Variants in CNOT4 observed in about 807,000 individuals in gnomAD.
The protein encoded by CNOT4 is CCR4-NOT transcription complex subunit 4, also known as CCR4-associated factor 4.
Under a neutral mutation model 73.8 loss-of-function variants are expected in CNOT4, and 8 were observed. The observed-to-expected ratio is 0.11, with a 90% confidence interval of 0.06 to 0.20. The LOEUF (loss-of-function observed/expected upper bound fraction) is 0.20. Among genes scored for constraint, CNOT4 ranks in the 10% least tolerant of loss-of-function variants. The pLI is 1.00. For synonymous variants in CNOT4, 293 were observed against 321.1 expected, an observed-to-expected ratio of 0.91 and a Z score of 0.94; for missense variants, 564 against 883.4, an observed-to-expected ratio of 0.64 and a Z score of 4.58.
At chr7:135,495,730 GAAA>G (rs1803508796) in intron 1 of CNOT4, among the ~76,000 whole-genome samples, 1 of 103,394 alleles carries the variant, frequency 9.7e-6, no homozygotes, top group Non-Finnish European at 2.1e-5. Flanking sequence ...AAGAAAGAAA[GAAA>G]GAAAGAAAGA....
intron 6 of CNOT4, among the ~76,000 whole-genome samples, chr7:135,411,284 T>TA (rs2129484078): frequency 6.6e-6 from 1 of 152,180 alleles, no homozygotes; most frequent in East Asian, 1.9e-4. Context: ...TTTTTATAAA[T>TA]AAAGTTTTAC....
chr7:135,374,526 C>T (rs1795410703), intron 10 of CNOT4, among the ~76,000 whole-genome samples: 1 of 152,104 alleles, frequency 6.6e-6, no homozygotes, highest in Admixed American at 6.6e-5. Flanking sequence ...ATATTTGACT[C>T]CATGCTTTTT....
At chr7:135,376,685 G>C (rs1267213424) in intron 10 of CNOT4, among the ~76,000 whole-genome samples, 1 of 152,072 alleles carries the variant, frequency 6.6e-6, no homozygotes, top group Admixed American at 6.5e-5. Context: ...TACTGCATTT[G>C]ATTACACAGC....
rs1331339190 is a variant in CNOT4 at position 135,393,693 on chromosome 7, C to T, written c.1627+225G>A. On this transcript the variant is annotated intron_variant, in intron 10 of 11. Coordinates refer to ENST00000541284, the MANE Select transcript of CNOT4 (RefSeq NM_001190850.2). ...GGTAATTATCCTATTAAGTAAAATG[C>T]TTCCAAACAATAACTAAGTATAATA... 3.9e-5 allele frequency among the ~76,000 whole-genome samples: 6 copies of T among 152,078 alleles called. No individual in the cohort carries two copies. In the East Asian group the frequency reaches 1.2e-3, roughly 29 times the overall value.
chr7:135,456,278 T>C (rs1357832129), intron 1 of CNOT4, among the ~76,000 whole-genome samples: 1 of 152,172 alleles, frequency 6.6e-6, no homozygotes, highest in Non-Finnish European at 1.5e-5. Flanking sequence ...CATTCTCTCA[T>C]GCCTCACAAA....
chr7:135,427,962 T>G (rs1424886163), intron 2 of CNOT4, among the ~76,000 whole-genome samples: 1 of 152,104 alleles, frequency 6.6e-6, no homozygotes, highest in East Asian at 1.9e-4. Context: ...ATAGGTTCCA[T>G]GATAAGCTGA....
chr7:135,471,399 A>G (rs1013343863), intron 1 of CNOT4, among the ~76,000 whole-genome samples: 24 of 152,200 alleles, frequency 1.6e-4, no homozygotes, highest in Admixed American at 3.9e-4. Flanking sequence ...CCTCAAAAAA[A>G]CCATTAAACT....
intron 1 of CNOT4, among the ~76,000 whole-genome samples, chr7:135,479,773 C>T (rs1802243696): frequency 6.6e-6 from 1 of 151,788 alleles, no homozygotes; most frequent in Non-Finnish European, 1.5e-5. Context: ...ACCTGTGGTC[C>T]CAGCTACTCG....
intron 2 of CNOT4, among the ~76,000 whole-genome samples, chr7:135,429,825 A>G (rs542998835): frequency 5.8e-4 from 88 of 152,324 alleles, no homozygotes; most frequent in Non-Finnish European, 1.1e-3. Flanking sequence ...GATGAATACC[A>G]TAACTACCCC....
chr7:135,413,382 A>G, intron 6 of CNOT4, 106 bp downstream of exon 6: 1 of 1,283,350 alleles, frequency 7.8e-7, no homozygotes, highest in Non-Finnish European at 1.1e-6. Flanking sequence ...AAGTAATATC[A>G]GTTTTTACAA....
At chr7:135,464,331 A>G (rs1585684962) in intron 1 of CNOT4, among the ~76,000 whole-genome samples, 1 of 152,214 alleles carries the variant, frequency 6.6e-6, no homozygotes, top group South Asian at 2.1e-4. Flanking sequence ...GTACATATAC[A>G]CCATGGAATA....
At chr7:135,391,187 T>C (rs1796383865) in intron 10 of CNOT4, among the ~76,000 whole-genome samples, 1 of 152,136 alleles carries the variant, frequency 6.6e-6, no homozygotes, top group South Asian at 2.1e-4. Flanking sequence ...TAATAGTTAC[T>C]GAAAATCCTA....
intron 1 of CNOT4, among the ~76,000 whole-genome samples, chr7:135,463,430 C>T (rs372925230): frequency 1.5e-4 from 23 of 149,372 alleles, no homozygotes; most frequent in South Asian, 1.3e-3. Flanking sequence ...CTCGGCTATT[C>T]GGGGGGCTGA....
At chr7:135,463,544 CAAA>C (rs34696755) in intron 1 of CNOT4, among the ~76,000 whole-genome samples, 5 of 103,760 alleles carry the variant, frequency 4.8e-5, no homozygotes, top group Non-Finnish European at 6.0e-5. Flanking sequence ...TCCCCCCACC[CAAA>C]AAAAAAAAAA....
chr7:135,438,457 A>G (rs1799285747), intron 1 of CNOT4, 34 bp from the exon 2 acceptor site: 1 of 676,320 alleles, frequency 1.5e-6, no homozygotes. Context: ...ATTGTTTACT[A>G]CTGGAAAAAT....
chr7:135,468,406 C>T (rs751950099), intron 1 of CNOT4, among the ~76,000 whole-genome samples: 1 of 152,052 alleles, frequency 6.6e-6, no homozygotes, highest in Non-Finnish European at 1.5e-5. Flanking sequence ...CTCAGCTGGG[C>T]GTGGTGGCTC....
chr7:135,367,292 A>C (rs4732122), intron 10 of CNOT4, among the ~76,000 whole-genome samples: 36,337 of 152,054 alleles, frequency 0.24, 4,672 homozygotes, highest in East Asian at 0.52. Flanking sequence ...GACTTTGCCC[A>C]CTGACTCAAC....
intron 1 of CNOT4, among the ~76,000 whole-genome samples, chr7:135,506,642 GTT>G (rs1205039651): frequency 6.6e-6 from 1 of 152,134 alleles, no homozygotes; most frequent in African/African-American, 2.4e-5. Flanking sequence ...GAGGTCAGGA[GTT>G]CAAGACCAGC....
intron 1 of CNOT4, among the ~76,000 whole-genome samples, chr7:135,448,533 G>GA (rs1052154063): frequency 2.0e-3 from 54 of 26,512 alleles, no homozygotes; most frequent in African/African-American, 6.2e-3. Context: ...GTCAAAAAAA[G>GA]AAAAAAAAAG....
Sources: gnomAD v4.1 joint callset for allele counts (sites outside exome capture counted in the v4.1 genomes callset) on GRCh38, gnomAD v4.1.1 for gene constraint, MANE v1.5 for transcripts, NCBI Gene and HGNC (gene_info 2026-07-23, HGNC 2026-07-21) for gene names.